PTDSS2: variants seen among roughly 807,000 people sequenced by gnomAD.
The protein encoded by PTDSS2 is phosphatidylserine synthase 2, also known as PSS-2.
In PTDSS2, 41 loss-of-function variants were observed where a neutral mutation model predicts 64.7. That is an observed-to-expected ratio of 0.63 (90% confidence interval 0.49 to 0.82). The LOEUF (loss-of-function observed/expected upper bound fraction) is 0.82. Among genes scored for constraint, PTDSS2 ranks in the 40% least tolerant of loss-of-function variants. The pLI is 0.00. For missense variants in PTDSS2, 485 were observed against 650.0 expected (o/e 0.75, Z 2.76); for synonymous variants, 297 against 277.8 (o/e 1.07, Z -0.69).
chr11:462,869 T>C lies in PTDSS2; in HGVS notation c.284+2581T>C, dbSNP rs551551826. The stretch of plus-strand genomic sequence containing the variant: ...ATGTCCTCAAGGGTAGATTTTCTTA[T>C]ATAGAAAATACCTTCTAGGCCAGGC... On this transcript the variant is annotated intron_variant, in intron 2 of 11. Coordinates refer to ENST00000308020, the MANE Select transcript of PTDSS2 (RefSeq NM_030783.3). The surrounding 1 kb of genome is among the most constrained non-coding windows in gnomAD (Gnocchi z 4.5). 6.6e-6 allele frequency: 1 copy of C among 152,208 alleles called. No individual in the cohort carries two copies. The highest frequency in any genetic ancestry group is 2.4e-5 in the African/African-American group (1 of 41,476). The allele number at this position is 152,208 out of a possible 1,614,324, so 9.4% of individuals were successfully genotyped here.
intron 2 of PTDSS2, among the ~76,000 whole-genome samples, chr11:468,395 C>T (rs990194170): frequency 6.6e-6 from 1 of 152,222 alleles, no homozygotes; most frequent in East Asian, 1.9e-4. Context: ...TGGTACATGA[C>T]ACTGCGTTTG....
At position 490,810 on chromosome 11, in the gene PTDSS2, G is replaced by C. The variant is rs1319345754; in HGVS notation, c.*228G>C. The C allele has an allele frequency of 5.2e-6, 3 of 574,900 alleles. No individual in the cohort carries two copies. The highest frequency in any genetic ancestry group is 9.2e-6 in the Non-Finnish European group (3 of 325,498). 35.6% of individuals were successfully genotyped at this position (574,900 alleles called of 1,614,324 possible). A position where few individuals can be genotyped will look rare whatever the true frequency, so the allele number is the denominator to read the frequency against. On this transcript the variant is annotated 3_prime_UTR_variant, in exon 12 of 12. Coordinates refer to ENST00000308020, the MANE Select transcript of PTDSS2 (RefSeq NM_030783.3). ...TATGCGTGTGTGTACGCGTGTGTAC[G>C]CGCGTGTGTACACATGCGTGGCCGC...
chr11:460,367 T>C lies in PTDSS2; in HGVS notation c.284+79T>C. 1 of 1,231,074 alleles carries C rather than the reference T, an allele frequency of 8.1e-7. No individual in the cohort carries two copies. 76.3% of individuals were successfully genotyped at this position (1,231,074 alleles called of 1,614,324 possible). On this transcript the variant is annotated intron_variant, in intron 2 of 11. Coordinates refer to ENST00000308020, the MANE Select transcript of PTDSS2 (RefSeq NM_030783.3). The surrounding 1 kb of genome is among the most constrained non-coding windows in gnomAD (Gnocchi z 5.8). The stretch of plus-strand genomic sequence containing the variant: ...GGTGTGGCACCCTTACTGCTCGGGC[T>C]GCCGGGGGCTCAGAAGGCCTTCACC...
chr11:451,544 G>A (rs1157438472), intron 1 of PTDSS2: 4 of 275,130 alleles, frequency 1.5e-5, no homozygotes, highest in Non-Finnish European at 3.1e-5. Context: ...GGCAGTAGAG[G>A]TGGGGTCAGC....
chr11:477,682 TG>T (rs1220390935), intron 3 of PTDSS2, among the ~76,000 whole-genome samples: 1 of 152,184 alleles, frequency 6.6e-6, no homozygotes, highest in Non-Finnish European at 1.5e-5. Flanking sequence ...CAGAACATGA[TG>T]GTTTCATGGG....
intron 5 of PTDSS2, 68 bp downstream of exon 5, chr11:487,141 C>A: frequency 7.0e-7 from 1 of 1,438,532 alleles, no homozygotes; most frequent in Non-Finnish European, 9.6e-7. Flanking sequence ...CAGGCGCCAT[C>A]CACGCTCCTG....
rs1282373522 is a variant in PTDSS2, at chr11:453,962, A to C, written c.182+3325A>C. ...TTCTGTGTCTGATCACAGGACATACACCGTCCTGCAGAGTCTGCAGGCGGG... is the reference window on the plus strand; with the variant it reads ...TTCTGTGTCTGATCACAGGACATACCCCGTCCTGCAGAGTCTGCAGGCGGG... On this transcript the variant is annotated intron_variant, in intron 1 of 11. Coordinates refer to ENST00000308020, the MANE Select transcript of PTDSS2 (RefSeq NM_030783.3). Among the ~76,000 whole-genome samples, 5 of 152,132 alleles carry C rather than the reference A, an allele frequency of 3.3e-5. No individual in the cohort carries two copies. In the East Asian group the frequency reaches 7.7e-4, roughly 23 times the overall value.
intron 1 of PTDSS2, chr11:459,072 G>C (rs2133765222): frequency 6.8e-6 from 1 of 148,146 alleles, no homozygotes; most frequent in East Asian, 2.0e-4. Context: ...TCCGGTGAAT[G>C]TAGGACCTGG....
At chr11:451,140 G>T (rs1206350869) in intron 1 of PTDSS2, among the ~76,000 whole-genome samples, 2 of 152,206 alleles carry the variant, frequency 1.3e-5, no homozygotes, top group African/African-American at 4.8e-5. Flanking sequence ...GATTAGCAGA[G>T]TGTTGTGCGT....
chr11:486,797 C>G (rs1848412335), intron 4 of PTDSS2, 142 bp from the exon 5 acceptor site: 2 of 1,062,626 alleles, frequency 1.9e-6, no homozygotes, highest in South Asian at 2.1e-5. Flanking sequence ...GCAGTGAGCC[C>G]AGTTCACGCC....
At chr11:472,817 A>G (rs946644716) in intron 2 of PTDSS2, among the ~76,000 whole-genome samples, 2 of 152,192 alleles carry the variant, frequency 1.3e-5, no homozygotes, top group African/African-American at 4.8e-5. Context: ...TTGCGGCCAC[A>G]CGAACGTGCG....
At chr11:481,317 G>A (rs893243103) in intron 4 of PTDSS2, among the ~76,000 whole-genome samples, 1 of 152,148 alleles carries the variant, frequency 6.6e-6, no homozygotes, top group African/African-American at 2.4e-5. Flanking sequence ...TTTTCAAGAT[G>A]GTTTTGAATC....
At chr11:467,371 C>T (rs1301298127) in intron 2 of PTDSS2, among the ~76,000 whole-genome samples, 3 of 152,196 alleles carry the variant, frequency 2.0e-5, no homozygotes, top group Non-Finnish European at 4.4e-5. Context: ...AGTACCAACG[C>T]TTCCAGGAAC....
chr11:490,819 T>TACACATGCGTGGCCGCCTGTGGTGTGC lies in PTDSS2; in HGVS notation c.*240_*266dup. 2.2e-6 allele frequency: 1 copy of TACACATGCGTGGCCGCCTGTGGTGTGC among 452,754 alleles called. No homozygotes were observed. Among genetic ancestry groups the TACACATGCGTGGCCGCCTGTGGTGTGC allele is most frequent in the Non-Finnish European group, 3.9e-6 (1 of 255,890 alleles). The allele number at this position is 452,754 out of a possible 1,614,324, so 28.0% of individuals were successfully genotyped here. Reference sequence around the variant, plus strand: ...GTGTACGCGTGTGTACGCGCGTGTGTACACATGCGTGGCCGCCTGTGGTGT... The same window carrying TACACATGCGTGGCCGCCTGTGGTGTGC: ...GTGTACGCGTGTGTACGCGCGTGTGTACACATGCGTGGCCGCCTGTGGTGTGCACACATGCGTGGCCGCCTGTGGTGT... On this transcript the variant is annotated 3_prime_UTR_variant, in exon 12 of 12. Transcript: ENST00000308020.
chr11:471,684 G>A lies in PTDSS2; in HGVS notation c.285-2211G>A, dbSNP rs964614698. 4.0e-5 allele frequency among the ~76,000 whole-genome samples: 6 copies of A among 150,048 alleles called. 1 individual carries two copies. In the South Asian group the frequency reaches 6.4e-4, roughly 16 times the overall value. ...CTGGTGGATGGCGGCCTGGGGTGAC[G>A]CGCGCCTGTCGGGCGGATGGTGGCC... On this transcript the variant is annotated intron_variant, in intron 2 of 11. Coordinates refer to ENST00000308020, the MANE Select transcript of PTDSS2 (RefSeq NM_030783.3).
In PTDSS2 at chr11:476,798, G is replaced by A. The variant is rs1590659661; in HGVS notation, c.368-2287G>A. Among the ~76,000 whole-genome samples, 1 of 152,196 alleles carries A rather than the reference G, an allele frequency of 6.6e-6. No individual in the cohort carries two copies. Among genetic ancestry groups the A allele is most frequent in the African/African-American group, 2.4e-5 (1 of 41,460 alleles). Reference sequence around the variant, plus strand: ...GGGTTCCTGGGGTGTTCAGTTTTTAGTCTGAGCTCTGCTCTACCTTTCTTC... The same window carrying A: ...GGGTTCCTGGGGTGTTCAGTTTTTAATCTGAGCTCTGCTCTACCTTTCTTC... On this transcript the variant is annotated intron_variant, in intron 3 of 11. Coordinates refer to ENST00000308020, the MANE Select transcript of PTDSS2 (RefSeq NM_030783.3). This position sits in a 1 kb window ranked among gnomAD's most constrained non-coding sequence, Gnocchi z 4.9.
chr11:488,335 G>A, intron 7 of PTDSS2, 23 bp downstream of exon 7: 1 of 1,585,266 alleles, frequency 6.3e-7, no homozygotes, highest in African/African-American at 1.3e-5. Flanking sequence ...ACAGCCCCCG[G>A]GGCAGTCGGT....
At chr11:459,977 TG>T in intron 1 of PTDSS2, 1 of 554,246 alleles carries the variant, frequency 1.8e-6, no homozygotes, top group East Asian at 3.0e-5. Context: ...TCCAGCCTCC[TG>T]GGGGCTGGTC....
intron 4 of PTDSS2, among the ~76,000 whole-genome samples, chr11:486,364 T>C (rs1848386833): frequency 1.3e-5 from 2 of 152,196 alleles, no homozygotes; most frequent in African/African-American, 4.8e-5. Context: ...CCAGCGGTCC[T>C]AGACCCCCAT....
Sources: allele counts gnomAD v4.1 joint callset (sites outside exome capture counted in the v4.1 genomes callset), GRCh38; gene constraint gnomAD v4.1.1; non-coding constraint Gnocchi (gnomAD v3.1); transcripts MANE v1.5; gene names NCBI Gene and HGNC (gene_info 2026-07-23, HGNC 2026-07-21).